Variants in NFIA observed in about 807,000 individuals in gnomAD.
NFIA encodes the protein nuclear factor I A, also known as nuclear factor 1 A-type.
In NFIA, 8 loss-of-function variants were observed where a neutral mutation model predicts 62.8. That is an observed-to-expected ratio of 0.13 (90% CI 0.07 to 0.23). The LOEUF is 0.23. Ranked by LOEUF, NFIA falls within the 10% of genes least tolerant of loss-of-function variation. The probability of loss-of-function intolerance (pLI) is 1.00; values close to 1 mark genes in which losing one functional copy is unlikely to be tolerated. For missense variants in NFIA, 410 were observed against 642.1 expected (o/e 0.64, Z 3.91); for synonymous variants, 235 against 238.1 (o/e 0.99, Z 0.12).
At chr1:61,450,267 C>T (rs994298045) in intron 10 of NFIA, among the ~76,000 whole-genome samples, 7 of 152,152 alleles carry the variant, frequency 4.6e-5, no homozygotes, top group African/African-American at 7.2e-5. Context: ...ATGGTTTATG[C>T]GAATGTGAGA....
At position 61,406,546 on chromosome 1, in the gene NFIA, C is replaced by CT. The variant is rs548375885; in HGVS notation, c.1255-16_1255-15insT. The stretch of plus-strand genomic sequence containing the variant: ...TTTTCTTGTACGTGTGTTTTCTGCC[C>CT]CCCCCCCCCCCACAGCCCAATGGGA... On this transcript the variant is annotated splice_polypyrimidine_tract_variant and intron_variant, in intron 8 of 10. Coordinates refer to ENST00000403491, the MANE Select transcript of NFIA (RefSeq NM_001134673.4). 3.4e-6 allele frequency: 2 copies of CT among 581,972 alleles called. No individual in the cohort carries two copies. The highest frequency in any genetic ancestry group is 7.6e-5 in the East Asian group (1 of 13,126). 36.1% of individuals were successfully genotyped at this position (581,972 alleles called of 1,614,324 possible). A position where few individuals can be genotyped will look rare whatever the true frequency, so the allele number is the denominator to read the frequency against.
intron 10 of NFIA, among the ~76,000 whole-genome samples, chr1:61,430,010 A>C (rs990482193): frequency 1.3e-5 from 2 of 152,238 alleles, no homozygotes; most frequent in African/African-American, 4.8e-5. Flanking sequence ...TGATGTTTGC[A>C]CAACAATGTG....
At chr1:61,087,281 A>G (rs995189337) in intron 1 of NFIA, among the ~76,000 whole-genome samples, 23 of 152,170 alleles carry the variant, frequency 1.5e-4, no homozygotes, top group African/African-American at 4.8e-4. Flanking sequence ...AGTATTTGCA[A>G]AAATTAAATA....
At chr1:61,123,337 G>A (rs2100474606) in intron 2 of NFIA, among the ~76,000 whole-genome samples, 1 of 152,138 alleles carries the variant, frequency 6.6e-6, no homozygotes. Flanking sequence ...GACCTACACT[G>A]TGATTTCTTT....
At chr1:61,106,950 A>C (rs180775633) in intron 2 of NFIA, among the ~76,000 whole-genome samples, 1 of 149,722 alleles carries the variant, frequency 6.7e-6, no homozygotes, top group African/African-American at 2.4e-5. Context: ...ATACATATAC[A>C]TACATATATA....
chr1:61,254,675 T>C (rs1311528936), intron 2 of NFIA, among the ~76,000 whole-genome samples: 1 of 152,216 alleles, frequency 6.6e-6, no homozygotes, highest in African/African-American at 2.4e-5. Flanking sequence ...CACAGTAAGA[T>C]TCAAGTACCA....
At chr1:61,259,899 T>TGGG (rs1487656519) in intron 2 of NFIA, among the ~76,000 whole-genome samples, 4 of 152,186 alleles carry the variant, frequency 2.6e-5, no homozygotes, top group Non-Finnish European at 5.9e-5. Flanking sequence ...AAGAGTAGAA[T>TGGG]GGGTTTGTTT....
intron 2 of NFIA, among the ~76,000 whole-genome samples, chr1:61,226,695 A>G (rs1397708289): frequency 6.6e-6 from 1 of 152,154 alleles, no homozygotes; most frequent in Non-Finnish European, 1.5e-5. Context: ...TACATCAGAC[A>G]GATATTATTA....
chr1:61,354,717 G>A (rs562383585), intron 5 of NFIA, among the ~76,000 whole-genome samples: 1 of 152,224 alleles, frequency 6.6e-6, no homozygotes, highest in Non-Finnish European at 1.5e-5. Context: ...AGAATATGAG[G>A]TCCTAAAAAA....
intron 2 of NFIA, among the ~76,000 whole-genome samples, chr1:61,151,296 G>A (rs1196589965): frequency 6.6e-6 from 1 of 151,864 alleles, no homozygotes; most frequent in Non-Finnish European, 1.5e-5. Context: ...TGCAACCTCT[G>A]CCTCCCAGGT....
intron 6 of NFIA, among the ~76,000 whole-genome samples, chr1:61,377,763 G>C (rs1404598420): frequency 6.6e-6 from 1 of 152,182 alleles, no homozygotes; most frequent in African/African-American, 2.4e-5. Flanking sequence ...TCCTGCGACA[G>C]ACAAGATAAG....
At chr1:61,452,647 ATT>A (rs1388807540) in intron 10 of NFIA, among the ~76,000 whole-genome samples, 1 of 152,186 alleles carries the variant, frequency 6.6e-6, no homozygotes, top group Non-Finnish European at 1.5e-5. Flanking sequence ...TCTGCAAATC[ATT>A]GCTAAAATCA....
intron 2 of NFIA, among the ~76,000 whole-genome samples, chr1:61,255,942 G>A (rs1166505950): frequency 6.6e-6 from 1 of 152,094 alleles, no homozygotes; most frequent in Non-Finnish European, 1.5e-5. Flanking sequence ...CTGCCCTCGG[G>A]TAGACCAAAT....
chr1:61,200,542 A>T (rs1218561607), intron 2 of NFIA, among the ~76,000 whole-genome samples: 1 of 152,174 alleles, frequency 6.6e-6, no homozygotes, highest in African/African-American at 2.4e-5. Context: ...CCAGTCAACA[A>T]TTGCTGATGG....
chr1:61,107,996 T>C (rs1229765588), intron 2 of NFIA, among the ~76,000 whole-genome samples: 1 of 151,734 alleles, frequency 6.6e-6, no homozygotes, highest in East Asian at 1.9e-4. Context: ...CTTTGCTCTG[T>C]TACACTGATC....
At chr1:61,092,568 C>T (rs938781668) in intron 2 of NFIA, among the ~76,000 whole-genome samples, 13 of 152,162 alleles carry the variant, frequency 8.5e-5, no homozygotes, top group African/African-American at 3.1e-4. Flanking sequence ...AACAGTATTA[C>T]TGATTACCAC....
rs143648070 is a variant in NFIA at position 61,190,762 on chromosome 1, C to G, written c.560-86758C>G. Among the ~76,000 whole-genome samples the G allele has an allele frequency of 9.5e-3, 1,443 of 152,256 alleles. 23 individuals carry two copies. Among genetic ancestry groups the G allele is most frequent in the African/African-American group, 0.033 (1,372 of 41,552 alleles). The stretch of plus-strand genomic sequence containing the variant: ...TGAATAACATACATTCACTCTAGAC[C>G]ATATTTGGTTACCCTGGTACTTAAA... On this transcript the variant is annotated intron_variant, in intron 2 of 10. Coordinates refer to ENST00000403491, the MANE Select transcript of NFIA (RefSeq NM_001134673.4).
At chr1:61,322,527 G>A (rs1351164956) in intron 3 of NFIA, among the ~76,000 whole-genome samples, 6 of 152,052 alleles carry the variant, frequency 3.9e-5, no homozygotes, top group Non-Finnish European at 5.9e-5. Context: ...TAGAGACAAT[G>A]TTCAGGGCAA....
intron 2 of NFIA, among the ~76,000 whole-genome samples, chr1:61,096,051 T>C (rs2100427069): frequency 6.6e-6 from 1 of 152,240 alleles, no homozygotes; most frequent in Non-Finnish European, 1.5e-5. Context: ...AATCCTTTGG[T>C]TATGGCTGTG....
Sources: allele counts gnomAD v4.1 joint callset (sites outside exome capture counted in the v4.1 genomes callset), GRCh38; gene constraint gnomAD v4.1.1; transcripts MANE v1.5; gene names NCBI Gene and HGNC (gene_info 2026-07-23, HGNC 2026-07-21).